The following TENM4 variants were observed in gnomAD, a reference collection of about 807,000 sequenced individuals.
The protein encoded by TENM4 is teneurin transmembrane protein 4.
In TENM4, 82 loss-of-function variants were observed where a neutral mutation model predicts 243.3. The ratio of observed to expected loss-of-function variants is 0.34; its 90% CI spans 0.28 to 0.40. The LOEUF (loss-of-function observed/expected upper bound fraction) is 0.40. TENM4 is among the 10% of genes least tolerant of loss of function. The probability of loss-of-function intolerance (pLI) is 1.00; values close to 1 mark genes in which losing one functional copy is unlikely to be tolerated. For missense variants in TENM4, 3,138 were observed against 3,673.3 expected (o/e 0.85, Z 3.77); for synonymous variants, 1,412 against 1,456.3 (o/e 0.97, Z 0.69).
chr11:79,363,422 G>A (rs80063666), intron 1 of TENM4, among the ~76,000 whole-genome samples: 1,572 of 152,354 alleles, frequency 0.01, 27 homozygotes, highest in African/African-American at 0.036. Context: ...AATAACCTGC[G>A]ATGTAATAAC....
intron 4 of TENM4, among the ~76,000 whole-genome samples, chr11:79,140,989 A>G (rs1862275166): frequency 6.6e-6 from 1 of 151,998 alleles, no homozygotes; most frequent in African/African-American, 2.4e-5. Flanking sequence ...CCTTGGACCA[A>G]AAGTACCAGG....
At chr11:78,943,190 G>C (rs189401563) in intron 6 of TENM4, among the ~76,000 whole-genome samples, 146 of 152,342 alleles carry the variant, frequency 9.6e-4, no homozygotes, top group Middle Eastern at 6.8e-3. Context: ...GTCTGTAGGT[G>C]GCAACCCCCA....
chr11:78,668,301 G>A (rs1364434737), intron 32 of TENM4, among the ~76,000 whole-genome samples: 1 of 151,480 alleles, frequency 6.6e-6, no homozygotes, highest in Non-Finnish European at 1.5e-5. Flanking sequence ...TATCTTTTTA[G>A]TGGTTTCTCT....
intron 2 of TENM4, among the ~76,000 whole-genome samples, chr11:79,282,348 G>C (rs1254757701): frequency 6.6e-6 from 1 of 152,102 alleles, no homozygotes; most frequent in African/African-American, 2.4e-5. Context: ...GATACTCCAG[G>C]GCCTGGCACA....
chr11:78,987,317 A>G (rs1159746458), intron 6 of TENM4, among the ~76,000 whole-genome samples: 2 of 152,190 alleles, frequency 1.3e-5, no homozygotes, highest in African/African-American at 2.4e-5. Flanking sequence ...TTAAAAAAAA[A>G]CTATTGATAA....
chr11:79,148,202 G>A (rs1862428977), intron 4 of TENM4, among the ~76,000 whole-genome samples: 1 of 152,100 alleles, frequency 6.6e-6, no homozygotes, highest in Non-Finnish European at 1.5e-5. Flanking sequence ...GAAATGATTG[G>A]AGGAACAAAT....
intron 7 of TENM4, among the ~76,000 whole-genome samples, chr11:78,901,671 A>G (rs1342988761): frequency 6.6e-6 from 1 of 152,050 alleles, no homozygotes; most frequent in African/African-American, 2.4e-5. Flanking sequence ...TCTTCCAGTC[A>G]TGTTCGGTCT....
intron 6 of TENM4, among the ~76,000 whole-genome samples, chr11:78,979,472 C>T (rs1186162664): frequency 6.6e-6 from 1 of 152,138 alleles, no homozygotes; most frequent in Non-Finnish European, 1.5e-5. Context: ...TAAACAGAAG[C>T]CTAAAGGTGA....
At chr11:78,914,476 T>G (rs1409437514) in intron 6 of TENM4, among the ~76,000 whole-genome samples, 1 of 152,198 alleles carries the variant, frequency 6.6e-6, no homozygotes, top group Non-Finnish European at 1.5e-5. Context: ...AGCTCTCCAG[T>G]ATTGAATGGG....
intron 19 of TENM4, chr11:78,756,435 T>G (rs796517754): frequency 1.7e-5 from 4 of 237,806 alleles, no homozygotes; most frequent in Middle Eastern, 1.5e-3. Context: ...GTCTTCTGGA[T>G]GTCTGCTTTG....
At chr11:79,023,494 G>A (rs567291676) in intron 6 of TENM4, among the ~76,000 whole-genome samples, 1 of 151,856 alleles carries the variant, frequency 6.6e-6, no homozygotes, top group South Asian at 2.1e-4. Context: ...CCTGGGAGGT[G>A]GAGGTTGTGG....
intron 3 of TENM4, among the ~76,000 whole-genome samples, chr11:79,164,957 A>ATGTGTGTG (rs369197845): frequency 5.6e-4 from 78 of 139,928 alleles, no homozygotes; most frequent in African/African-American, 1.7e-3. Flanking sequence ...CTATATATAT[A>ATGTGTGTG]TGTGTGTGTG....
chr11:79,196,108 A>G (rs1252964705), intron 3 of TENM4, among the ~76,000 whole-genome samples: 2 of 152,064 alleles, frequency 1.3e-5, no homozygotes, highest in African/African-American at 4.8e-5. Context: ...GCCTCCCACC[A>G]TGATTCTGAG....
intron 11 of TENM4, 33 bp downstream of exon 11, chr11:78,855,931 G>A (rs1858670298): frequency 1.3e-6 from 2 of 1,541,844 alleles, no homozygotes; most frequent in Admixed American, 2.0e-5. Flanking sequence ...AGGAGCCCAT[G>A]CAGATCAACA....
chr11:79,263,092 G>A (rs1855826110), intron 2 of TENM4, among the ~76,000 whole-genome samples: 1 of 152,164 alleles, frequency 6.6e-6, no homozygotes, highest in Admixed American at 6.5e-5. Flanking sequence ...ATTAACTCCC[G>A]TGTCTCTCCA....
intron 1 of TENM4, among the ~76,000 whole-genome samples, chr11:79,404,694 G>T (rs1858530831): frequency 6.6e-6 from 1 of 152,132 alleles, no homozygotes; most frequent in Non-Finnish European, 1.5e-5. Flanking sequence ...ACAGATAAAA[G>T]ATGCCTCAGG....
intron 6 of TENM4, among the ~76,000 whole-genome samples, chr11:78,952,026 G>A (rs1857117747): frequency 6.6e-6 from 1 of 152,104 alleles, no homozygotes; most frequent in Admixed American, 6.5e-5. Context: ...TCCGTCACCA[G>A]TTCCCCTTAC....
At chr11:78,996,009 C>T (rs1276064074) in intron 6 of TENM4, among the ~76,000 whole-genome samples, 1 of 152,164 alleles carries the variant, frequency 6.6e-6, no homozygotes, top group Non-Finnish European at 1.5e-5. Context: ...TTAGCTGCTC[C>T]TTTGCTCAGC....
chr11:79,065,472 A>G (rs918475450), intron 5 of TENM4, among the ~76,000 whole-genome samples: 47 of 152,182 alleles, frequency 3.1e-4, no homozygotes, highest in African/African-American at 1.0e-3. Context: ...GGCTCAATAA[A>G]TGCTTGTTAA....
Sources: allele counts gnomAD v4.1 joint callset (sites outside exome capture counted in the v4.1 genomes callset), GRCh38; gene constraint gnomAD v4.1.1; transcripts MANE v1.5; gene names NCBI Gene and HGNC (gene_info 2026-07-23, HGNC 2026-07-21).